The following WDR7 variants were observed in gnomAD, a reference collection of about 807,000 sequenced individuals.
WDR7 encodes WD repeat domain 7.
In WDR7, 46 loss-of-function variants were observed where a neutral mutation model predicts 169.4. The observed-to-expected ratio is 0.27, with a 90% confidence interval of 0.21 to 0.35. The LOEUF (loss-of-function observed/expected upper bound fraction) is 0.35, where lower values mean the gene tolerates loss of function less well. WDR7 is among the 10% of genes least tolerant of loss of function. The pLI, the probability that WDR7 is intolerant of heterozygous loss-of-function variation, is 1.00. For missense variants in WDR7, 1,534 were observed against 1,859.3 expected (o/e 0.83, Z 3.22); for synonymous variants, 612 against 666.8 (o/e 0.92, Z 1.27).
chr18:56,699,258 C>T (rs1231104819), intron 12 of WDR7, among the ~76,000 whole-genome samples: 1 of 152,106 alleles, frequency 6.6e-6, no homozygotes, highest in Non-Finnish European at 1.5e-5. Flanking sequence ...TAATAAAAAG[C>T]AGAGTTTGAT....
intron 20 of WDR7, among the ~76,000 whole-genome samples, chr18:56,843,273 A>T (rs1299412452): frequency 2.0e-5 from 3 of 152,206 alleles, no homozygotes; most frequent in Non-Finnish European, 4.4e-5. Context: ...AGCGGTGTTA[A>T]GTATGTACAC....
intron 27 of WDR7, among the ~76,000 whole-genome samples, chr18:57,021,287 G>A (rs1181332816): frequency 2.0e-5 from 3 of 152,136 alleles, no homozygotes; most frequent in Non-Finnish European, 2.9e-5. Flanking sequence ...AGCAAGGGCC[G>A]GCATGTTTGA....
intron 13 of WDR7, among the ~76,000 whole-genome samples, chr18:56,718,978 A>G (rs1345900121): frequency 1.3e-5 from 2 of 152,250 alleles, no homozygotes; most frequent in Admixed American, 6.5e-5. Context: ...TTGGGAATAA[A>G]TAGCCATAAG....
At chr18:56,755,260 A>G (rs575377107) in intron 14 of WDR7, among the ~76,000 whole-genome samples, 8 of 152,314 alleles carry the variant, frequency 5.3e-5, no homozygotes, top group African/African-American at 7.2e-5. Flanking sequence ...TAGAAAGTCC[A>G]TTCTCATCTC....
intron 17 of WDR7, among the ~76,000 whole-genome samples, chr18:56,777,325 T>C (rs2044255654): frequency 6.6e-6 from 1 of 152,194 alleles, no homozygotes; most frequent in Non-Finnish European, 1.5e-5. Flanking sequence ...GGAAAAGTCT[T>C]CAGATTGATT....
chr18:56,691,913 AC>A, intron 9 of WDR7, 96 bp downstream of exon 9: 1 of 917,230 alleles, frequency 1.1e-6, no homozygotes, highest in Non-Finnish European at 1.6e-6. Flanking sequence ...AAAATTTGAT[AC>A]AATTCAAAGC....
chr18:56,705,835 A>T (rs533699803), intron 12 of WDR7, among the ~76,000 whole-genome samples: 1 of 152,254 alleles, frequency 6.6e-6, no homozygotes, highest in African/African-American at 2.4e-5. Context: ...CATCTCTATT[A>T]AATACAAAAA....
At chr18:56,856,143 C>G (rs909813075) in intron 20 of WDR7, among the ~76,000 whole-genome samples, 7 of 152,188 alleles carry the variant, frequency 4.6e-5, no homozygotes, top group Non-Finnish European at 8.8e-5. Flanking sequence ...AGAACAATCA[C>G]AGTGCACTGA....
At position 56,680,193 on chromosome 18, in the gene WDR7, C is replaced by CA. The variant is rs1272108570; in HGVS notation, c.266+762dup. Among the ~76,000 whole-genome samples, 14 of 151,940 alleles carry CA rather than the reference C, an allele frequency of 9.2e-5. No homozygotes were observed. The East Asian group carries it at 2.3e-3, about 25-fold the overall frequency. On this transcript the variant is annotated intron_variant, in intron 3 of 27. Transcript: ENST00000254442. ...GCAACATGTTAAAACCCTGTCTCTA[C>CA]AAAAAAATGCAAAAACTAGCCGGGC...
chr18:56,830,197 C>A (rs2045284080), intron 20 of WDR7, among the ~76,000 whole-genome samples: 1 of 152,036 alleles, frequency 6.6e-6, no homozygotes, highest in Non-Finnish European at 1.5e-5. Context: ...ATTTTGTTGC[C>A]CTTCATGATC....
chr18:56,903,052 A>G (rs1183781804), intron 21 of WDR7, among the ~76,000 whole-genome samples: 1 of 152,172 alleles, frequency 6.6e-6, no homozygotes, highest in Non-Finnish European at 1.5e-5. Flanking sequence ...TGACTTAAAT[A>G]TCAAGGTGAT....
At chr18:56,749,435 A>G (rs2043755263) in intron 14 of WDR7, among the ~76,000 whole-genome samples, 1 of 150,636 alleles carries the variant, frequency 6.6e-6, no homozygotes, top group African/African-American at 2.4e-5. Context: ...AATATTTCCT[A>G]GCTTTGTTCT....
chr18:57,001,047 A>AAGAGAGAG (rs10536689), intron 26 of WDR7, among the ~76,000 whole-genome samples: 2 of 129,494 alleles, frequency 1.5e-5, no homozygotes, highest in African/African-American at 6.4e-5. Flanking sequence ...ATCTCTACAA[A>AAGAGAGAG]AGAGAGAGAG....
At chr18:56,832,331 C>T (rs983592140) in intron 20 of WDR7, among the ~76,000 whole-genome samples, 12 of 152,240 alleles carry the variant, frequency 7.9e-5, no homozygotes, top group African/African-American at 2.9e-4. Flanking sequence ...AGAAAAGCAG[C>T]AGCCCCACTC....
At chr18:56,998,894 C>T (rs536505691) in intron 26 of WDR7, among the ~76,000 whole-genome samples, 1 of 152,042 alleles carries the variant, frequency 6.6e-6, no homozygotes, top group Non-Finnish European at 1.5e-5. Context: ...AAATGGCAGG[C>T]CTTATTCTTG....
intron 11 of WDR7, 115 bp downstream of exon 11, chr18:56,695,313 T>C: frequency 7.5e-7 from 1 of 1,341,298 alleles, no homozygotes; most frequent in Non-Finnish European, 1.0e-6. Context: ...AGTTAGTTGT[T>C]GGGGTGCTAT....
At chr18:56,934,623 C>T (rs1284314122) in intron 22 of WDR7, among the ~76,000 whole-genome samples, 1 of 152,050 alleles carries the variant, frequency 6.6e-6, no homozygotes, top group Non-Finnish European at 1.5e-5. Flanking sequence ...GTAACAGTCA[C>T]AAAGACTTAT....
Position 56,904,898 on chromosome 18 carries a change from T to G in WDR7, c.3527-19024T>G, listed in dbSNP as rs2046455773. Among the ~76,000 whole-genome samples, 3 of 152,144 alleles carry G rather than the reference T, an allele frequency of 2.0e-5. No individual in the cohort carries two copies. The South Asian group carries it at 6.2e-4, about 32-fold the overall frequency. ...AACAGTGAGAGAACCATGGAAGGAA[T>G]GACGCAGCTACTTATTAGGGCAAAT... On this transcript the variant is annotated intron_variant, in intron 21 of 27. Coordinates refer to ENST00000254442, the MANE Select transcript of WDR7 (RefSeq NM_015285.3).
At chr18:56,777,316 GAA>G (rs2044255521) in intron 17 of WDR7, among the ~76,000 whole-genome samples, 1 of 152,138 alleles carries the variant, frequency 6.6e-6, no homozygotes, top group Non-Finnish European at 1.5e-5. Flanking sequence ...ATTCTCATTG[GAA>G]AAGTCTTCAG....
Sources: allele counts gnomAD v4.1 joint callset (sites outside exome capture counted in the v4.1 genomes callset), GRCh38; gene constraint gnomAD v4.1.1; transcripts MANE v1.5; gene names NCBI Gene and HGNC (gene_info 2026-07-23, HGNC 2026-07-21).